Variants in CNTNAP4 observed in about 807,000 individuals in gnomAD.
CNTNAP4 encodes contactin-associated protein-like 4.
Under a neutral mutation model 148.4 loss-of-function variants are expected in CNTNAP4, and 98 were observed. That is an observed-to-expected ratio of 0.66 (90% CI 0.56 to 0.78). The LOEUF (loss-of-function observed/expected upper bound fraction) is 0.78, where lower values mean the gene tolerates loss of function less well. CNTNAP4 is among the 30% of genes least tolerant of loss of function. The probability of loss-of-function intolerance (pLI) is 0.00; values close to 1 mark genes in which losing one functional copy is unlikely to be tolerated. For synonymous variants in CNTNAP4, 730 were observed against 565.1 expected (o/e 1.29, Z -4.14); for missense variants, 1,935 against 1,565.6 (o/e 1.24, Z -3.98).
At chr16:76,380,756 C>T (rs1219542748) in intron 3 of CNTNAP4, among the ~76,000 whole-genome samples, 1 of 152,118 alleles carries the variant, frequency 6.6e-6, no homozygotes, top group Non-Finnish European at 1.5e-5. Context: ...TTAAACCATC[C>T]ATAAATATTT....
At chr16:76,546,757 G>A (rs2084754193) in intron 21 of CNTNAP4, among the ~76,000 whole-genome samples, 1 of 152,188 alleles carries the variant, frequency 6.6e-6, no homozygotes, top group Non-Finnish European at 1.5e-5. Context: ...GGGGACCACT[G>A]AGGCTGATGA....
At chr16:76,469,613 C>T (rs2081296351) in intron 10 of CNTNAP4, 1 of 152,188 alleles carries the variant, frequency 6.6e-6, no homozygotes, top group Admixed American at 6.5e-5. Context: ...CTGGAGCTGC[C>T]ATGTCACACA....
At chr16:76,484,236 G>T (rs2143715309) in intron 12 of CNTNAP4, among the ~76,000 whole-genome samples, 1 of 120,740 alleles carries the variant, frequency 8.3e-6, no homozygotes, top group East Asian at 2.7e-4. Flanking sequence ...ATTTTGAAAT[G>T]AGGTCAGATG....
chr16:76,381,121 A>C (rs2015919999), intron 3 of CNTNAP4, among the ~76,000 whole-genome samples: 1 of 152,178 alleles, frequency 6.6e-6, no homozygotes, highest in Admixed American at 6.5e-5. Context: ...TAATACTTTC[A>C]CACTATCTTC....
intron 3 of CNTNAP4, among the ~76,000 whole-genome samples, chr16:76,407,029 G>A (rs574088449): frequency 6.6e-6 from 1 of 152,272 alleles, no homozygotes; most frequent in South Asian, 2.1e-4. Context: ...CTAGAGAGGA[G>A]AAGTCAATGT....
chr16:76,419,220 C>T (rs1333549324), intron 3 of CNTNAP4, among the ~76,000 whole-genome samples: 1 of 151,958 alleles, frequency 6.6e-6, no homozygotes, highest in East Asian at 1.9e-4. Flanking sequence ...GACGCTCTGA[C>T]TCCTGTTGCT....
intron 15 of CNTNAP4, among the ~76,000 whole-genome samples, chr16:76,505,290 A>G (rs2082804054): frequency 1.0e-5 from 1 of 100,300 alleles, no homozygotes; most frequent in Admixed American, 9.5e-5. Flanking sequence ...GAATACTACT[A>G]AACAATTAAA....
intron 1 of CNTNAP4, among the ~76,000 whole-genome samples, chr16:76,310,586 C>G (rs1289985548): frequency 1.3e-5 from 2 of 152,130 alleles, no homozygotes; most frequent in Non-Finnish European, 2.9e-5. Flanking sequence ...TGTCAAAGGT[C>G]TCACCCTGCC....
chr16:76,313,360 G>T (rs1165375851), intron 1 of CNTNAP4, among the ~76,000 whole-genome samples: 1 of 152,060 alleles, frequency 6.6e-6, no homozygotes, highest in East Asian at 1.9e-4. Flanking sequence ...AAAATTCCTA[G>T]TTCTAGTAAA....
intron 4 of CNTNAP4, among the ~76,000 whole-genome samples, chr16:76,435,136 C>T (rs1243145238): frequency 1.3e-5 from 2 of 152,098 alleles, no homozygotes; most frequent in East Asian, 3.9e-4. Context: ...AGGGACCTGG[C>T]CTCCCCTTCA....
In CNTNAP4 at chr16:76,498,552, G is replaced by T; in HGVS notation, c.2238-15G>T. 1 of 1,599,554 alleles carries T rather than the reference G, an allele frequency of 6.3e-7. No homozygotes were observed. The highest frequency in any genetic ancestry group is 8.5e-7 in the Non-Finnish European group (1 of 1,174,604). On this transcript the variant is annotated splice_polypyrimidine_tract_variant and intron_variant, in intron 14 of 23. Transcript: ENST00000611870. ...AAAAGTTCTTAAGAATTTTGTTGTT[G>T]CTATTGTTTTTTAGGACCAATGACA...
intron 2 of CNTNAP4, among the ~76,000 whole-genome samples, chr16:76,342,983 CG>C (rs1964605149): frequency 6.6e-6 from 1 of 152,096 alleles, no homozygotes; most frequent in Non-Finnish European, 1.5e-5. Context: ...GCTGGGATGC[CG>C]TGTTTCAGCT....
intron 10 of CNTNAP4, among the ~76,000 whole-genome samples, chr16:76,470,495 A>ATATATATATATT (rs546770074): frequency 0.35 from 47,357 of 133,444 alleles, 10,706 homozygotes; most frequent in Non-Finnish European, 0.45. Flanking sequence ...ATATATATAT[A>ATATATATATATT]TAAAATTAGT....
chr16:76,392,170 T>C (rs2078045248), intron 3 of CNTNAP4, among the ~76,000 whole-genome samples: 1 of 152,010 alleles, frequency 6.6e-6, no homozygotes, highest in Admixed American at 6.5e-5. Context: ...ATTTTTGTAT[T>C]TTTAGTAGAG....
chr16:76,522,651 T>TTC (rs2083513460), intron 17 of CNTNAP4, among the ~76,000 whole-genome samples: 3 of 126,896 alleles, frequency 2.4e-5, no homozygotes, highest in Admixed American at 1.7e-4. Context: ...CTTTCTTTTC[T>TTC]CTCTTTCTCT....
intron 15 of CNTNAP4, among the ~76,000 whole-genome samples, chr16:76,513,898 A>C (rs926901730): frequency 2.6e-5 from 4 of 152,156 alleles, no homozygotes; most frequent in Middle Eastern, 3.2e-3. Context: ...TTGGGCACTT[A>C]ATTATTTTGT....
chr16:76,413,362 A>G (rs2078864752), intron 3 of CNTNAP4, among the ~76,000 whole-genome samples: 1 of 151,284 alleles, frequency 6.6e-6, no homozygotes, highest in South Asian at 2.1e-4. Flanking sequence ...CAATGTGGAT[A>G]TCCAATTTAT....
intron 3 of CNTNAP4, among the ~76,000 whole-genome samples, chr16:76,401,891 C>A (rs2078430627): frequency 6.6e-6 from 1 of 152,134 alleles, no homozygotes. Context: ...AGAGATGAAG[C>A]CTACTTGATT....
chr16:76,333,441 A>C (rs1963719496), intron 2 of CNTNAP4, among the ~76,000 whole-genome samples: 1 of 152,088 alleles, frequency 6.6e-6, no homozygotes, highest in African/African-American at 2.4e-5. Context: ...ATTCCTTTTA[A>C]TAATTTATAT....
Sources: gnomAD v4.1 joint callset for allele counts (sites outside exome capture counted in the v4.1 genomes callset) on GRCh38, gnomAD v4.1.1 for gene constraint, MANE v1.5 for transcripts, NCBI Gene and HGNC (gene_info 2026-07-23, HGNC 2026-07-21) for gene names.